GRK3: variants seen among roughly 807,000 people sequenced by gnomAD.
The protein encoded by GRK3 is G protein-coupled receptor kinase 3.
A neutral mutation model predicts 95.7 loss-of-function variants in GRK3; 54 were observed. The observed-to-expected ratio is 0.56, with a 90% CI of 0.45 to 0.71. GRK3 has a LOEUF of 0.71. Ranked by LOEUF, GRK3 falls within the 30% of genes least tolerant of loss-of-function variation. GRK3 has a pLI of 0.00. For missense variants in GRK3, 649 were observed against 851.2 expected, an observed-to-expected ratio of 0.76 and a Z score of 2.96; for synonymous variants, 281 against 290.8, an observed-to-expected ratio of 0.97 and a Z score of 0.34.
intron 2 of GRK3, among the ~76,000 whole-genome samples, chr22:25,637,696 A>C (rs988319443): frequency 5.3e-5 from 8 of 152,238 alleles, no homozygotes; most frequent in African/African-American, 1.9e-4. Flanking sequence ...CCATGCTCCA[A>C]ATCTATATAA....
chr22:25,700,622 C>G (rs1482561412), intron 13 of GRK3, among the ~76,000 whole-genome samples: 2 of 152,212 alleles, frequency 1.3e-5, no homozygotes, highest in African/African-American at 2.4e-5. Context: ...GCGTCTCGCT[C>G]TATTGCCCAG....
intron 1 of GRK3, among the ~76,000 whole-genome samples, chr22:25,592,437 T>A (rs957089577): frequency 1.3e-5 from 2 of 152,202 alleles, no homozygotes; most frequent in Non-Finnish European, 2.9e-5. Flanking sequence ...TGTCTTTTCA[T>A]CCTCTTAAGT....
chr22:25,565,467 C>CCCTGT (rs931632498), intron 1 of GRK3, among the ~76,000 whole-genome samples: 1 of 152,108 alleles, frequency 6.6e-6, no homozygotes, highest in Non-Finnish European at 1.5e-5. Context: ...CTCCCCCCAG[C>CCCTGT]CCTGTCCTGT....
At chr22:25,595,348 C>T (rs2084365453) in intron 1 of GRK3, among the ~76,000 whole-genome samples, 1 of 152,164 alleles carries the variant, frequency 6.6e-6, no homozygotes, top group African/African-American at 2.4e-5. Flanking sequence ...AGTAGCATTT[C>T]TATACACCAA....
chr22:25,707,283 G>C (rs1477012523), intron 15 of GRK3, among the ~76,000 whole-genome samples: 1 of 152,168 alleles, frequency 6.6e-6, no homozygotes, highest in Admixed American at 6.5e-5. Flanking sequence ...TTCTTATTTA[G>C]CTTATCACAT....
In GRK3 at chr22:25,695,151, C is replaced by T. The variant is rs755184733; in HGVS notation, c.1097C>T (p.Thr366Met). ...GCTCCCGAGGTGCTGCAGAAGGGGA[C>T]GGCCTATGACAGCAGTGCCGACTGG... ...YMAPEVLQKG[T>M]AYDSSADWFS... is the part of the protein sequence containing the mutation. The change falls in exon 13 of 21, where the codon ACG becomes ATG. Residue 366 changes from threonine (T) to methionine (M), a missense_variant. Physicochemically the swap from Thr to Met is moderately conservative, Grantham distance 81. Coordinates refer to ENST00000324198, the MANE Select transcript of GRK3 (RefSeq NM_005160.4). The T allele has an allele frequency of 1.6e-5, 26 of 1,613,886 alleles. No individual in the cohort carries two copies. The highest frequency in any genetic ancestry group is 6.7e-5 in the East Asian group (3 of 44,882).
chr22:25,634,067 G>C (rs977201435), intron 2 of GRK3, among the ~76,000 whole-genome samples: 1 of 151,794 alleles, frequency 6.6e-6, no homozygotes, highest in African/African-American at 2.4e-5. Flanking sequence ...AGTTATGTTT[G>C]TATTTTTCAC....
Position 25,644,624 on chromosome 22 carries a change from G to A in GRK3, c.223G>A (p.Glu75Lys), listed in dbSNP as rs1367214864. The A allele has an allele frequency of 1.3e-6, 2 of 1,576,502 alleles. No homozygotes were observed. Among genetic ancestry groups the A allele is most frequent in the Non-Finnish European group, 1.7e-6 (2 of 1,151,722 alleles). ...FLLFKDFCLN[E>K]INEAVPQVKF... ...GCTATTTAAAGATTTTTGTTTGAAT[G>A]AAATTAATGAAGCTGTACCTCAGGT... is the stretch of plus-strand genomic sequence containing the variant. Residue 75 changes from glutamate to lysine, a missense_variant, in exon 3 of 21, where the codon GAA becomes AAA. Physicochemically the swap from Glu to Lys is moderately conservative, Grantham distance 56. Transcript: ENST00000324198.
intron 1 of GRK3, among the ~76,000 whole-genome samples, chr22:25,577,843 T>C (rs1302323845): frequency 6.6e-6 from 1 of 152,186 alleles, no homozygotes; most frequent in Non-Finnish European, 1.5e-5. Context: ...TTCTCTAAGA[T>C]AGACACCTAG....
At chr22:25,581,006 T>G (rs1320126249) in intron 1 of GRK3, 2 of 152,122 alleles carry the variant, frequency 1.3e-5, no homozygotes, top group Admixed American at 1.3e-4. Context: ...TCCTAGCTAC[T>G]TGGGAGGCTG....
At chr22:25,607,454 AT>A in intron 2 of GRK3, among the ~76,000 whole-genome samples, 1 of 152,058 alleles carries the variant, frequency 6.6e-6, no homozygotes, top group African/African-American at 2.4e-5. Flanking sequence ...GTTCCCCCAC[AT>A]TGCCCCCGCC....
Position 25,695,233 on chromosome 22 carries a change from T to C in GRK3, c.1160+19T>C, listed in dbSNP as rs201624055. On this transcript the variant is annotated intron_variant, in intron 13 of 20. Coordinates refer to ENST00000324198, the MANE Select transcript of GRK3 (RefSeq NM_005160.4). Reference sequence around the variant, plus strand: ...TGAGAGGGTGAGTTGAAATGCATCCTTCTAGTGCTGTCCTCATGGCAGCAG... The same window carrying C: ...TGAGAGGGTGAGTTGAAATGCATCCCTCTAGTGCTGTCCTCATGGCAGCAG... The C allele has an allele frequency of 8.7e-5, 136 of 1,566,468 alleles. No homozygotes were observed. In the African/African-American group the frequency reaches 1.7e-3, roughly 19 times the overall value.
chr22:25,630,928 G>A (rs1157811767), intron 2 of GRK3, among the ~76,000 whole-genome samples: 1 of 152,150 alleles, frequency 6.6e-6, no homozygotes, highest in East Asian at 1.9e-4. Context: ...TTCTCCTCCT[G>A]TAAAGTTTTA....
intron 1 of GRK3, chr22:25,580,152 G>A (rs58598780): frequency 0.2 from 30,318 of 152,132 alleles, 6,151 homozygotes; most frequent in African/African-American, 0.53. Context: ...AGACCTTATA[G>A]GGAAGCAACA....
Position 25,722,685 on chromosome 22 carries a change from T to A in GRK3, c.*235T>A, listed in dbSNP as rs533697644. 4.6e-6 allele frequency: 2 copies of A among 433,034 alleles called. No individual in the cohort carries two copies. The highest frequency in any genetic ancestry group is 3.8e-5 in the Admixed American group (1 of 26,392). The allele number at this position is 433,034 out of a possible 1,614,324, so 26.8% of individuals were successfully genotyped here. ...TCTTTGCTACACACTTTGGTACCTA[T>A]GAACCTAGAACTTGAAGTGACTCCT... On this transcript the variant is annotated 3_prime_UTR_variant, in exon 21 of 21. Transcript: ENST00000324198.
chr22:25,607,606 T>G (rs1196677367), intron 2 of GRK3, among the ~76,000 whole-genome samples: 1 of 152,136 alleles, frequency 6.6e-6, no homozygotes, highest in African/African-American at 2.4e-5. Flanking sequence ...GGACAGAGTC[T>G]TGCTCTGTCA....
chr22:25,683,481 T>C (rs531612716), intron 9 of GRK3, among the ~76,000 whole-genome samples: 7 of 152,258 alleles, frequency 4.6e-5, no homozygotes, highest in Non-Finnish European at 7.3e-5. Flanking sequence ...GCACCATTCG[T>C]TGTACACTTC....
At chr22:25,689,907 G>A (rs1385269925) in intron 11 of GRK3, among the ~76,000 whole-genome samples, 1 of 152,182 alleles carries the variant, frequency 6.6e-6, no homozygotes, top group African/African-American at 2.4e-5. Flanking sequence ...TTTTAATGCT[G>A]ATGAACTGTT....
At chr22:25,603,459 G>A (rs1043468942) in intron 1 of GRK3, among the ~76,000 whole-genome samples, 3 of 152,022 alleles carry the variant, frequency 2.0e-5, no homozygotes, top group African/African-American at 7.2e-5. Context: ...ATGTATGTGT[G>A]GTTCAGTTTC....
Sources: allele counts gnomAD v4.1 joint callset (sites outside exome capture counted in the v4.1 genomes callset), GRCh38; gene constraint gnomAD v4.1.1; transcripts MANE v1.5; gene names NCBI Gene and HGNC (gene_info 2026-07-23, HGNC 2026-07-21).